SERGEF: variants seen among roughly 807,000 people sequenced by gnomAD.
The protein encoded by SERGEF is secretion regulating guanine nucleotide exchange factor.
SERGEF carries 51 observed loss-of-function variants against 50.0 expected under a neutral mutation model. The observed-to-expected ratio is 1.02, with a 90% CI of 0.81 to 1.29. SERGEF has a LOEUF of 1.29. Among genes scored for constraint, SERGEF ranks in the 50% most tolerant of loss-of-function variants. The probability of loss-of-function intolerance (pLI) is 0.00; values close to 1 mark genes in which losing one functional copy is unlikely to be tolerated. For missense variants in SERGEF, 521 were observed against 557.0 expected (o/e 0.94, Z 0.65); for synonymous variants, 205 against 212.4 (o/e 0.97, Z 0.30).
chr11:18,002,259 T>C (rs1462340777), intron 4 of SERGEF, among the ~76,000 whole-genome samples: 1 of 152,224 alleles, frequency 6.6e-6, no homozygotes, highest in Non-Finnish European at 1.5e-5. Flanking sequence ...CTGCTTTAGT[T>C]TGAGCCACAA....
intron 10 of SERGEF, among the ~76,000 whole-genome samples, chr11:17,820,857 C>T (rs370032914): frequency 1.3e-5 from 2 of 152,084 alleles, no homozygotes; most frequent in African/African-American, 4.8e-5. Flanking sequence ...GGCAGTGTGA[C>T]CATGGAGGCA....
chr11:17,789,035 C>A (rs1449686469), intron 10 of SERGEF, among the ~76,000 whole-genome samples: 1 of 152,352 alleles, frequency 6.6e-6, no homozygotes, highest in South Asian at 2.1e-4. Flanking sequence ...TCACCCTGCA[C>A]AACTCTTGCC....
intron 9 of SERGEF, among the ~76,000 whole-genome samples, chr11:17,948,850 T>C (rs1852719777): frequency 6.6e-6 from 1 of 152,238 alleles, no homozygotes; most frequent in Non-Finnish European, 1.5e-5. Flanking sequence ...AAGATATCTC[T>C]GATTCCTTCC....
chr11:17,849,660 G>A (rs1298817151), intron 10 of SERGEF, among the ~76,000 whole-genome samples: 1 of 152,148 alleles, frequency 6.6e-6, no homozygotes, highest in Non-Finnish European at 1.5e-5. Flanking sequence ...GACCTACTCT[G>A]ACCAGGCACA....
At position 17,788,306 on chromosome 11, in the gene SERGEF, C is replaced by T; in HGVS notation, c.1156G>A (p.Gly386Arg). ...CCAGCCCCACAGCCCACAAGGAGTC[C>T]TGACGATGACAGCAGAGCCTGCACC... is the stretch of plus-strand genomic sequence containing the variant. ...KPVQALLSSS[G>R]LLVGCGAGHS... The change falls in exon 11 of 11, where the codon GGA becomes AGA. Residue 386 changes from glycine to arginine, a missense_variant. Coordinates refer to ENST00000265965, the MANE Select transcript of SERGEF (RefSeq NM_012139.4). 1.9e-6 allele frequency: 3 copies of T among 1,614,238 alleles called. No homozygotes were observed. Among genetic ancestry groups the T allele is most frequent in the Non-Finnish European group, 2.5e-6 (3 of 1,180,044 alleles).
intron 10 of SERGEF, among the ~76,000 whole-genome samples, chr11:17,863,161 T>G (rs1850957205): frequency 6.6e-6 from 1 of 152,228 alleles, no homozygotes; most frequent in Non-Finnish European, 1.5e-5. Context: ...CTTTCTACCC[T>G]GCATGGTGAT....
At chr11:17,955,607 C>T (rs1030530613) in intron 9 of SERGEF, among the ~76,000 whole-genome samples, 1 of 152,190 alleles carries the variant, frequency 6.6e-6, no homozygotes, top group Non-Finnish European at 1.5e-5. Context: ...ACAGTCAAAG[C>T]TGAACTGCAA....
chr11:17,975,345 T>C (rs1442377591), intron 8 of SERGEF, among the ~76,000 whole-genome samples: 2 of 152,182 alleles, frequency 1.3e-5, no homozygotes, highest in Non-Finnish European at 2.9e-5. Flanking sequence ...CCTTGATAAA[T>C]GTGAGTGACC....
At chr11:17,867,997 G>T (rs1851064510) in intron 10 of SERGEF, among the ~76,000 whole-genome samples, 1 of 152,184 alleles carries the variant, frequency 6.6e-6, no homozygotes, top group African/African-American at 2.4e-5. Flanking sequence ...AGGCCTCTGG[G>T]TCTGTGATAA....
At position 17,888,691 on chromosome 11, in the gene SERGEF, AC is replaced by A. The variant is rs1360863478; in HGVS notation, c.1012-10448del. On this transcript the variant is annotated intron_variant, in intron 9 of 10. Transcript: ENST00000265965. The surrounding 1 kb of genome is among the most constrained non-coding windows in gnomAD (Gnocchi z 4.1). The stretch of plus-strand genomic sequence containing the variant: ...CACACACACACACGCATTGAGTTAA[AC>A]CAACATGAAATTGCCCAGCAGCACT... Among the ~76,000 whole-genome samples the A allele has an allele frequency of 6.6e-6, 1 of 151,376 alleles. No homozygotes were observed. Among genetic ancestry groups the A allele is most frequent in the Non-Finnish European group, 1.5e-5 (1 of 67,902 alleles).
intron 9 of SERGEF, among the ~76,000 whole-genome samples, chr11:17,932,560 A>T (rs1057245518): frequency 6.6e-6 from 1 of 152,124 alleles, no homozygotes; most frequent in Non-Finnish European, 1.5e-5. Context: ...AGCTCTGAAT[A>T]AAAAAAGAAA....
chr11:17,917,671 G>C (rs1852074431), intron 9 of SERGEF, among the ~76,000 whole-genome samples: 1 of 152,180 alleles, frequency 6.6e-6, no homozygotes, highest in African/African-American at 2.4e-5. Context: ...ATTCATTTCA[G>C]CAAGCTTTCC....
intron 9 of SERGEF, among the ~76,000 whole-genome samples, chr11:17,894,898 A>C (rs1851592803): frequency 6.6e-6 from 1 of 152,250 alleles, no homozygotes; most frequent in Admixed American, 6.5e-5. Flanking sequence ...CATCACAGGC[A>C]GATCCCACAA....
At chr11:18,007,357 C>A (rs1854095857) in intron 2 of SERGEF, among the ~76,000 whole-genome samples, 2 of 152,180 alleles carry the variant, frequency 1.3e-5, no homozygotes, top group Non-Finnish European at 2.9e-5. Context: ...CTTCACCCAC[C>A]ATTATTATCC....
At chr11:17,861,481 C>G (rs1850925710) in intron 10 of SERGEF, among the ~76,000 whole-genome samples, 1 of 152,246 alleles carries the variant, frequency 6.6e-6, no homozygotes, top group Admixed American at 6.5e-5. Context: ...TGGGGCAAAT[C>G]ATGCAATCCT....
chr11:17,838,875 T>A (rs967339877), intron 10 of SERGEF, among the ~76,000 whole-genome samples: 19 of 152,228 alleles, frequency 1.2e-4, no homozygotes, highest in Admixed American at 1.2e-3. Context: ...GGATGGTGTT[T>A]ACATTATGTC....
intron 9 of SERGEF, among the ~76,000 whole-genome samples, chr11:17,916,107 A>G (rs2237921): frequency 0.12 from 18,985 of 152,212 alleles, 1,523 homozygotes; most frequent in Middle Eastern, 0.23. Flanking sequence ...ATCTGGATGC[A>G]ATGAAGACCA....
chr11:18,007,965 CTCCTCCTGTGA>C lies in SERGEF; in HGVS notation c.161_171del (p.Ile54ArgfsTer92). The C allele has an allele frequency of 6.2e-7, 1 of 1,613,934 alleles. No homozygotes were observed. The highest frequency in any genetic ancestry group is 8.5e-7 in the Non-Finnish European group (1 of 1,179,868). The stretch of plus-strand genomic sequence containing the variant: ...CCTGTGACAACTGCAGAGTGGCCCC[CTCCTCCTGTGA>C]TCCTCCTGACACTCCTGGGTTTACA... On this transcript the variant is annotated frameshift_variant, in exon 2 of 11. Transcript: ENST00000265965. LOFTEE classifies it high-confidence loss of function.
intron 10 of SERGEF, among the ~76,000 whole-genome samples, chr11:17,854,253 C>G (rs1020390841): frequency 6.6e-6 from 1 of 152,158 alleles, no homozygotes; most frequent in African/African-American, 2.4e-5. Flanking sequence ...AGAACCAACT[C>G]CCCGACTTCT....
Sources: allele counts gnomAD v4.1 joint callset (sites outside exome capture counted in the v4.1 genomes callset), GRCh38; gene constraint gnomAD v4.1.1; non-coding constraint Gnocchi (gnomAD v3.1); transcripts MANE v1.5; gene names NCBI Gene and HGNC (gene_info 2026-07-23, HGNC 2026-07-21).